The following FAM53A variants were observed in gnomAD, a reference collection of about 807,000 sequenced individuals.
FAM53A encodes the protein family with sequence similarity 53 member A.
In FAM53A, 28 loss-of-function variants were observed where a neutral mutation model predicts 26.6. The observed-to-expected ratio is 1.05, with a 90% CI of 0.78 to 1.45. FAM53A has a LOEUF of 1.45. Among genes scored for constraint, FAM53A ranks in the 40% most tolerant of loss-of-function variants. The pLI is 0.00. For missense variants in FAM53A, 650 were observed against 575.8 expected (o/e 1.13, Z -1.32); for synonymous variants, 290 against 253.1 (o/e 1.15, Z -1.38).
chr4:1,676,832 T>C (rs1243896000), intron 1 of FAM53A, among the ~76,000 whole-genome samples: 5 of 152,218 alleles, frequency 3.3e-5, no homozygotes, highest in Admixed American at 6.5e-5. Context: ...GCTGACATTA[T>C]CACGTCACTA....
In FAM53A at chr4:1,630,502, TG is replaced by T. The variant is rs527912080; in HGVS notation, c.432-12392del. ...TGGATCACGTGTCACGAATCGTGTA[TG>T]GGGACACACAGGCAAGAGCAGGGTC... On this transcript the variant is annotated intron_variant, in intron 1 of 1. Coordinates refer to the FAM53A transcript ENST00000489029. This position sits in a 1 kb window ranked among gnomAD's most constrained non-coding sequence, Gnocchi z 4.3. Among the ~76,000 whole-genome samples, 74 of 152,292 alleles carry T rather than the reference TG, an allele frequency of 4.9e-4. No homozygotes were observed. The highest frequency in any genetic ancestry group is 1.8e-3 in the African/African-American group (73 of 41,562).
chr4:1,656,217 C>T (rs1488531582), intron 3 of FAM53A, among the ~76,000 whole-genome samples: 1 of 152,196 alleles, frequency 6.6e-6, no homozygotes, highest in African/African-American at 2.4e-5. Flanking sequence ...GCCCCAGAAA[C>T]TCCTCACAAA....
intron 1 of FAM53A, among the ~76,000 whole-genome samples, chr4:1,624,384 G>T (rs1473028243): frequency 6.6e-6 from 1 of 152,218 alleles, no homozygotes; most frequent in Non-Finnish European, 1.5e-5. Context: ...CTCTGAGGGG[G>T]ACTGGTGCTT....
chr4:1,640,832 G>C lies in FAM53A; in HGVS notation c.*461C>G. On this transcript the variant is annotated 3_prime_UTR_variant, in exon 5 of 5. Coordinates refer to ENST00000308132, the MANE Select transcript of FAM53A (RefSeq NM_001174070.3). ...TCTGTGCCCCGGGGCAGGTGCAGGC[G>C]GCAGCCATGGCCCCGACCAGCTCAC... 2 of 397,056 alleles carry C rather than the reference G, an allele frequency of 5.0e-6. No individual in the cohort carries two copies. Among genetic ancestry groups the C allele is most frequent in the South Asian group, 3.5e-5 (2 of 56,540 alleles). 24.6% of individuals were successfully genotyped at this position (397,056 alleles called of 1,614,324 possible). A position where few individuals can be genotyped will look rare whatever the true frequency, so the allele number is the denominator to read the frequency against.
chr4:1,662,397 C>T (rs1278288221), intron 2 of FAM53A, among the ~76,000 whole-genome samples: 4 of 148,582 alleles, frequency 2.7e-5, no homozygotes, highest in Non-Finnish European at 5.9e-5. Flanking sequence ...AAGACTCTCT[C>T]GAACCCAGGA....
downstream of FAM53A, among the ~76,000 whole-genome samples, chr4:1,638,748 G>A (rs933801718): frequency 4.1e-5 from 6 of 147,456 alleles, no homozygotes; most frequent in Non-Finnish European, 8.9e-5. Context: ...CACACACCCA[G>A]GCCAGGCTCA....
rs1466349747 is a variant in FAM53A, at chr4:1,684,267, C to G, written c.-199G>C. On this transcript the variant is annotated 5_prime_UTR_variant, in exon 1 of 5. Coordinates refer to ENST00000308132, the MANE Select transcript of FAM53A (RefSeq NM_001174070.3). ...GCCGCGGGGGTGCGGAGCGAGAAGACTGCCGGCCGCCCAGGCCCCGCTCGC... is the reference window on the plus strand; with the variant it reads ...GCCGCGGGGGTGCGGAGCGAGAAGAGTGCCGGCCGCCCAGGCCCCGCTCGC... 2.0e-5 allele frequency: 3 copies of G among 151,178 alleles called. No individual in the cohort carries two copies. The highest frequency in any genetic ancestry group is 3.0e-5 in the Non-Finnish European group (2 of 67,566). The allele number at this position is 151,178 out of a possible 1,614,324, so 9.4% of individuals were successfully genotyped here.
chr4:1,685,323 G>C (rs1473809013), upstream of FAM53A, among the ~76,000 whole-genome samples: 12 of 152,212 alleles, frequency 7.9e-5, no homozygotes, highest in Admixed American at 2.0e-4. Flanking sequence ...CTCCCCATGT[G>C]CGTCCCCTGA....
intron 1 of FAM53A, among the ~76,000 whole-genome samples, chr4:1,627,774 G>A (rs543210624): frequency 5.9e-5 from 9 of 152,028 alleles, no homozygotes; most frequent in Non-Finnish European, 8.8e-5. Flanking sequence ...ATGTGTCCCA[G>A]CAGCAGCCCC....
At chr4:1,623,330 C>T (rs1488592271) in intron 1 of FAM53A, among the ~76,000 whole-genome samples, 2 of 73,370 alleles carry the variant, frequency 2.7e-5, no homozygotes, top group African/African-American at 4.7e-5. Flanking sequence ...GCTCCTGCTG[C>T]CACCCCCACC....
At chr4:1,677,708 G>A (rs983825599) in intron 1 of FAM53A, among the ~76,000 whole-genome samples, 4 of 152,114 alleles carry the variant, frequency 2.6e-5, no homozygotes, top group African/African-American at 7.2e-5. Flanking sequence ...TACAGTGGCC[G>A]TGTCCTCCCT....
Position 1,655,511 on chromosome 4 carries a change from T to C in FAM53A, c.349A>G (p.Thr117Ala). 6.4e-7 allele frequency: 1 copy of C among 1,570,610 alleles called. No homozygotes were observed. The change falls in exon 4 of 5, where the codon ACC becomes GCC. Residue 117 changes from threonine (T) to alanine (A), a missense_variant. Thr to Ala is a moderately conservative substitution (Grantham distance 58). Coordinates refer to ENST00000308132, the MANE Select transcript of FAM53A (RefSeq NM_001174070.3). ...ESTGSSTAPPTKRHCRSLSEP... is the reference protein window; with the variant it reads ...ESTGSSTAPPAKRHCRSLSEP... ...GACAAGGACCGGCAATGCCGCTTGG[T>C]CGGTGGGGCCGTGGACGAGCCTGTG...
At chr4:1,685,776 C>A (rs553319208), upstream of FAM53A, among the ~76,000 whole-genome samples, 6 of 152,136 alleles carry the variant, frequency 3.9e-5, no homozygotes, top group African/African-American at 1.4e-4. Flanking sequence ...CTGTGCTGGC[C>A]AGGTTACCCA....
At chr4:1,612,658 C>T in the FAM53A span, among the ~76,000 whole-genome samples, 26 of 152,346 alleles carry the variant, frequency 1.7e-4, no homozygotes, top group African/African-American at 5.0e-4. Context: ...CCAGGCCTGC[C>T]GCATGTGACA....
At chr4:1,604,841 C>T in the FAM53A span, among the ~76,000 whole-genome samples, 1,684 of 152,252 alleles carry the variant, frequency 0.011, 30 homozygotes, top group African/African-American at 0.037. Context: ...CCCCACCCTG[C>T]GGCGGCTCCC....
At chr4:1,597,858 T>G in the FAM53A span, among the ~76,000 whole-genome samples, 1 of 152,208 alleles carries the variant, frequency 6.6e-6, no homozygotes, top group Admixed American at 6.5e-5. Flanking sequence ...TCGCCGGATG[T>G]GGTGGCGGGC....
intron 1 of FAM53A, among the ~76,000 whole-genome samples, chr4:1,679,933 C>T (rs915492525): frequency 6.6e-6 from 1 of 150,942 alleles, no homozygotes; most frequent in East Asian, 2.0e-4. Flanking sequence ...CCTGTAAGCG[C>T]AGCTACTCGG....
At chr4:1,668,009 G>A (rs1714361443) in intron 2 of FAM53A, among the ~76,000 whole-genome samples, 1 of 152,246 alleles carries the variant, frequency 6.6e-6, no homozygotes, top group African/African-American at 2.4e-5. Flanking sequence ...GCTAGGAGGG[G>A]AGGGACAGGG....
At chr4:1,576,526 C>T in the FAM53A span, among the ~76,000 whole-genome samples, 4 of 152,348 alleles carry the variant, frequency 2.6e-5, no homozygotes, top group African/African-American at 7.2e-5. Context: ...GCCATCAGCA[C>T]CGCGAGAAGG....
Sources: gnomAD v4.1 joint callset for allele counts (sites outside exome capture counted in the v4.1 genomes callset) on GRCh38, gnomAD v4.1.1 for gene constraint, Gnocchi (gnomAD v3.1) non-coding constraint, MANE v1.5 for transcripts, NCBI Gene and HGNC (gene_info 2026-07-23, HGNC 2026-07-21) for gene names.